The following ANKDD1A variants were observed in gnomAD, a reference collection of about 807,000 sequenced individuals.
ANKDD1A encodes ankyrin repeat and death domain-containing protein 1A.
In ANKDD1A, 59 loss-of-function variants were observed where a neutral mutation model predicts 63.5. That is an observed-to-expected ratio of 0.93 (90% confidence interval 0.75 to 1.15). ANKDD1A has a LOEUF of 1.15. ANKDD1A is among the 50% of genes most tolerant of loss of function. The pLI is 0.00. For missense variants in ANKDD1A, 632 were observed against 656.4 expected (o/e 0.96, Z 0.41); for synonymous variants, 266 against 263.9 (o/e 1.01, Z -0.08).
intron 4 of ANKDD1A, among the ~76,000 whole-genome samples, chr15:64,923,779 C>G (rs1186543467): frequency 6.6e-6 from 1 of 152,194 alleles, no homozygotes; most frequent in African/African-American, 2.4e-5. Context: ...CCAGCCTGGC[C>G]TGGCTTGGCC....
At chr15:64,936,340 A>G (rs1227934244) in intron 9 of ANKDD1A, among the ~76,000 whole-genome samples, 1 of 152,168 alleles carries the variant, frequency 6.6e-6, no homozygotes, top group Non-Finnish European at 1.5e-5. Context: ...AAGACACCAG[A>G]ATCCTGATGC....
rs201916280 is a variant in ANKDD1A at position 64,921,967 on chromosome 15, G to A, written c.314G>A (p.Arg105Gln). The change falls in exon 4 of 15, where the codon CGA (arginine) becomes CAA (glutamine). Residue 105 changes from arginine (R) to glutamine (Q), a missense_variant. Transcript: ENST00000319580. The part of the protein sequence containing the change: ...LLLSAWFGHL[R>Q]ILQILVNSGA... ...CTGTCTGCCTGGTTCGGCCACTTAC[G>A]AATCCTCCAGATCTTGGTAAACTCA... 39 of 1,614,120 alleles carry A rather than the reference G, an allele frequency of 2.4e-5. No individual in the cohort carries two copies. The highest frequency in any genetic ancestry group is 2.3e-4 in the African/African-American group (17 of 75,026).
Position 64,953,990 on chromosome 15 carries a change from CCTTT to C in ANKDD1A, c.1484-3107_1484-3104del, listed in dbSNP as rs1351394536. On this transcript the variant is annotated intron_variant, in intron 14 of 14. Transcript: ENST00000319580. ...TTCTTCTTTCTTCCTCTATCTTCTT[CCTTT>C]CTTTCCTTTCTTCTTCCTTCTTTCC... is the stretch of plus-strand genomic sequence containing the variant. Among the ~76,000 whole-genome samples the C allele has an allele frequency of 3.8e-4, 43 of 112,844 alleles. 1 individual carries two copies. Among genetic ancestry groups the C allele is most frequent in the Admixed American group, 6.7e-4 (6 of 9,018 alleles). 74.0% of individuals were successfully genotyped at this position (112,844 alleles called of 152,430 possible). A position where few individuals can be genotyped will look rare whatever the true frequency, so the allele number is the denominator to read the frequency against.
intron 14 of ANKDD1A, among the ~76,000 whole-genome samples, chr15:64,952,438 CCTT>C (rs1566916653): frequency 6.9e-6 from 1 of 144,988 alleles, no homozygotes; most frequent in Non-Finnish European, 1.5e-5. Context: ...TTCTCCTCCT[CCTT>C]TCTTCTTCTT....
chr15:64,916,734 G>C (rs959906015), intron 2 of ANKDD1A, among the ~76,000 whole-genome samples: 1 of 152,232 alleles, frequency 6.6e-6, no homozygotes, highest in African/African-American at 2.4e-5. Flanking sequence ...CCAGAGAGGG[G>C]ATGTGGCTTG....
chr15:64,951,608 G>A (rs1316937861), intron 14 of ANKDD1A, among the ~76,000 whole-genome samples: 2 of 32,626 alleles, frequency 6.1e-5, no homozygotes, highest in African/African-American at 1.9e-4. Flanking sequence ...CTTTCTTCTT[G>A]TTCCTTATTC....
At chr15:64,944,769 T>A in intron 12 of ANKDD1A, 22 bp downstream of exon 12, 1 of 1,610,156 alleles carries the variant, frequency 6.2e-7, no homozygotes, top group Non-Finnish European at 8.5e-7. Context: ...TCACGCTTGA[T>A]CTTTCCTCAT....
chr15:64,932,016 CCCAA>C, intron 8 of ANKDD1A: 1 of 205,780 alleles, frequency 4.9e-6, no homozygotes, highest in Non-Finnish European at 9.8e-6. Context: ...GACTCAGCCT[CCCAA>C]GAGGCTGGGA....
chr15:64,916,049 C>A, intron 2 of ANKDD1A, 149 bp downstream of exon 2: 2 of 748,662 alleles, frequency 2.7e-6, no homozygotes, highest in Non-Finnish European at 4.2e-6. Context: ...TCATGGCCTG[C>A]ATTGTCTCGA....
intron 14 of ANKDD1A, chr15:64,951,395 C>CT: frequency 9.6e-6 from 1 of 104,038 alleles, no homozygotes; most frequent in Non-Finnish European, 1.3e-5. Context: ...TTTCTTCTTC[C>CT]TCTTTTTTCT....
At chr15:64,915,029 G>A (rs1327958462) in intron 1 of ANKDD1A, among the ~76,000 whole-genome samples, 3 of 152,212 alleles carry the variant, frequency 2.0e-5, no homozygotes, top group Non-Finnish European at 4.4e-5. Flanking sequence ...AAGAGGCTGG[G>A]CGCTGTGGCT....
At chr15:64,932,192 C>T (rs1213349852) in intron 8 of ANKDD1A, 1 of 152,584 alleles carries the variant, frequency 6.6e-6, no homozygotes, top group African/African-American at 2.4e-5. Context: ...GCCATTGCAC[C>T]TGGCCCTGTT....
chr15:64,951,185 G>C (rs1362729763), intron 14 of ANKDD1A: 3 of 1,049,514 alleles, frequency 2.9e-6, no homozygotes, highest in Non-Finnish European at 3.5e-6. Context: ...TTTGTACACT[G>C]ATCTTTTTCA....
At chr15:64,949,236 T>C (rs1361286118) in intron 13 of ANKDD1A, among the ~76,000 whole-genome samples, 1 of 152,166 alleles carries the variant, frequency 6.6e-6, no homozygotes. Context: ...TTTCCAAACA[T>C]GGTTGTATGT....
chr15:64,954,507 CT>C (rs2085388520), intron 14 of ANKDD1A, among the ~76,000 whole-genome samples: 2 of 131,660 alleles, frequency 1.5e-5, no homozygotes, highest in Non-Finnish European at 3.3e-5. Context: ...CTTCTTCCTT[CT>C]TCTCCTCTTT....
At chr15:64,951,174 G>GTTTT (rs1326197022) in intron 14 of ANKDD1A, 2 of 1,062,736 alleles carry the variant, frequency 1.9e-6, no homozygotes, top group African/African-American at 3.4e-5. Context: ...GGAGGCAAAT[G>GTTTT]TTTGTACACT....
chr15:64,951,702 CCTT>C (rs2085283285), intron 14 of ANKDD1A, among the ~76,000 whole-genome samples: 1 of 51,710 alleles, frequency 1.9e-5, no homozygotes, highest in African/African-American at 6.0e-5. Context: ...TCTTCTTCTT[CCTT>C]ATTTTCTTTT....
At chr15:64,949,307 C>T (rs1370235548) in intron 13 of ANKDD1A, among the ~76,000 whole-genome samples, 4 of 152,238 alleles carry the variant, frequency 2.6e-5, no homozygotes, top group Non-Finnish European at 5.9e-5. Flanking sequence ...GTCCCAGGTA[C>T]ATGAGAATCT....
At chr15:64,925,201 C>T (rs2085036705) in intron 4 of ANKDD1A, among the ~76,000 whole-genome samples, 3 of 136,484 alleles carry the variant, frequency 2.2e-5, no homozygotes, top group African/African-American at 8.4e-5. Context: ...GTACTCTAGC[C>T]TGGGAGACAG....
Sources: gnomAD v4.1 joint callset for allele counts (sites outside exome capture counted in the v4.1 genomes callset) on GRCh38, gnomAD v4.1.1 for gene constraint, MANE v1.5 for transcripts, NCBI Gene and HGNC (gene_info 2026-07-23, HGNC 2026-07-21) for gene names.